The following TENM2 variants were observed in gnomAD, a reference collection of about 807,000 sequenced individuals.
TENM2 encodes teneurin transmembrane protein 2, also known as teneurin-2.
A neutral mutation model predicts 245.2 loss-of-function variants in TENM2; 52 were observed. The observed-to-expected ratio is 0.21, with a 90% confidence interval of 0.17 to 0.27. The LOEUF (loss-of-function observed/expected upper bound fraction) is 0.27. Among genes scored for constraint, TENM2 ranks in the 10% least tolerant of loss-of-function variants. The pLI, the probability that TENM2 is intolerant of heterozygous loss-of-function variation, is 1.00. For missense variants in TENM2, 3,046 were observed against 3,666.8 expected (o/e 0.83, Z 4.37); for synonymous variants, 1,363 against 1,438.9 (o/e 0.95, Z 1.19).
intron 2 of TENM2, among the ~76,000 whole-genome samples, chr5:167,600,439 G>A (rs1430459313): frequency 1.3e-5 from 2 of 152,044 alleles, no homozygotes; most frequent in Non-Finnish European, 2.9e-5. Context: ...CTACTTAAAA[G>A]AGAGTTTTAA....
At chr5:167,628,292 T>C (rs1778646451) in intron 2 of TENM2, among the ~76,000 whole-genome samples, 1 of 152,212 alleles carries the variant, frequency 6.6e-6, no homozygotes, top group Non-Finnish European at 1.5e-5. Flanking sequence ...AAAGACATTG[T>C]GGTCATATTC....
chr5:167,844,159 A>G (rs1769816289), intron 2 of TENM2, among the ~76,000 whole-genome samples: 1 of 152,222 alleles, frequency 6.6e-6, no homozygotes, highest in African/African-American at 2.4e-5. Context: ...AAAAAGTAGT[A>G]TAAATGTAAA....
At chr5:168,182,875 G>T (rs1261786497) in intron 13 of TENM2, among the ~76,000 whole-genome samples, 1 of 130,612 alleles carries the variant, frequency 7.7e-6, no homozygotes, top group Non-Finnish European at 1.5e-5. Context: ...CTGTCACCCA[G>T]CCTGGAGTGC....
At chr5:167,956,556 C>T (rs961347323) in intron 4 of TENM2, among the ~76,000 whole-genome samples, 5 of 152,158 alleles carry the variant, frequency 3.3e-5, no homozygotes, top group Non-Finnish European at 2.9e-5. Flanking sequence ...TGCCGGTTTT[C>T]AAAGGGAATG....
the TENM2 span, among the ~76,000 whole-genome samples, chr5:167,172,233 C>A: frequency 6.6e-6 from 1 of 152,098 alleles, no homozygotes; most frequent in Non-Finnish European, 1.5e-5. Flanking sequence ...GATGCTACAA[C>A]GTGAATATTT....
At chr5:167,640,799 A>G (rs1352940683) in intron 2 of TENM2, among the ~76,000 whole-genome samples, 1 of 142,598 alleles carries the variant, frequency 7.0e-6, no homozygotes, top group East Asian at 2.0e-4. Context: ...AGTGTTACCT[A>G]TAGAGAAATA....
intron 4 of TENM2, among the ~76,000 whole-genome samples, chr5:167,981,180 C>T (rs1782809890): frequency 6.6e-6 from 1 of 152,240 alleles, no homozygotes; most frequent in Non-Finnish European, 1.5e-5. Context: ...ATAGGCCCCT[C>T]TGCCACAGCA....
In TENM2 at chr5:167,368,279, A is replaced by G. The variant is rs1031482945; in HGVS notation, c.227-6919A>G. ...AAATTTAATATTATTCACTATTTGA[A>G]TGATGCATATTTTTTTTCAAAGTGA... On this transcript the variant is annotated intron_variant, in intron 1 of 28. Coordinates refer to ENST00000518659, the Ensembl canonical transcript of TENM2. Among the ~76,000 whole-genome samples, 31 of 152,270 alleles carry G rather than the reference A, an allele frequency of 2.0e-4. No homozygotes were observed. The South Asian group carries it at 4.4e-3, about 21-fold the overall frequency.
intron 4 of TENM2, among the ~76,000 whole-genome samples, chr5:167,968,823 C>CT (rs1243554727): frequency 6.6e-6 from 1 of 152,158 alleles, no homozygotes; most frequent in Non-Finnish European, 1.5e-5. Context: ...GAGCTCTACT[C>CT]TCCCCCATCC....
chr5:167,057,444 T>A, the TENM2 span, among the ~76,000 whole-genome samples: 1 of 152,152 alleles, frequency 6.6e-6, no homozygotes, highest in Non-Finnish European at 1.5e-5. Context: ...AAAACACCTG[T>A]GGTAAATAAA....
the TENM2 span, among the ~76,000 whole-genome samples, chr5:167,261,226 A>C: frequency 5.9e-5 from 9 of 152,118 alleles, no homozygotes; most frequent in Non-Finnish European, 1.2e-4. Flanking sequence ...CCTTAGACAG[A>C]TAGGATAAGG....
At chr5:168,124,663 G>A (rs1795712441) in intron 10 of TENM2, among the ~76,000 whole-genome samples, 187 bp from the exon 13 acceptor site, 1 of 152,104 alleles carries the variant, frequency 6.6e-6, no homozygotes, top group Non-Finnish European at 1.5e-5. Context: ...CAAATAAGAA[G>A]GCTTTTACTT....
chr5:167,216,233 C>A, the TENM2 span, among the ~76,000 whole-genome samples: 2 of 152,174 alleles, frequency 1.3e-5, no homozygotes, highest in Non-Finnish European at 2.9e-5. Flanking sequence ...CTTGCTTCCA[C>A]CTACTCTATG....
intron 3 of TENM2, among the ~76,000 whole-genome samples, chr5:167,920,258 G>A (rs1019990575): frequency 2.0e-5 from 3 of 150,894 alleles, no homozygotes; most frequent in Non-Finnish European, 2.9e-5. Context: ...TTGGGAGGCC[G>A]AGGAGGGTGG....
the TENM2 span, among the ~76,000 whole-genome samples, chr5:167,013,090 G>A: frequency 5.7e-4 from 87 of 152,234 alleles, no homozygotes; most frequent in African/African-American, 2.1e-3. Context: ...TATAAAAAGA[G>A]GCCATTGGAA....
chr5:167,591,206 A>G (rs79998681), intron 2 of TENM2, among the ~76,000 whole-genome samples: 2,543 of 152,326 alleles, frequency 0.017, 68 homozygotes, highest in African/African-American at 0.057. Context: ...AATTCATACA[A>G]TAGCCATATT....
At chr5:167,712,282 G>C (rs997872033) in intron 2 of TENM2, among the ~76,000 whole-genome samples, 1 of 152,110 alleles carries the variant, frequency 6.6e-6, no homozygotes, top group Non-Finnish European at 1.5e-5. Context: ...CCATTAACAA[G>C]TTTTAAGATG....
At chr5:168,033,273 A>C (rs1358521899) in intron 5 of TENM2, 3 of 152,186 alleles carry the variant, frequency 2.0e-5, no homozygotes, top group Non-Finnish European at 2.9e-5. Context: ...ATTTCATGAA[A>C]ACCATGAACA....
At chr5:167,280,178 A>G (rs1225916692), upstream of TENM2, among the ~76,000 whole-genome samples, 1 of 152,138 alleles carries the variant, frequency 6.6e-6, no homozygotes, top group African/African-American at 2.4e-5. Context: ...GGATAGAGGA[A>G]TGGAAGTTCT....
Sources: gnomAD v4.1 joint callset for allele counts (sites outside exome capture counted in the v4.1 genomes callset) on GRCh38, gnomAD v4.1.1 for gene constraint, MANE v1.5 for transcripts, NCBI Gene and HGNC (gene_info 2026-07-23, HGNC 2026-07-21) for gene names.